Variants in SDK1 observed in about 807,000 individuals in gnomAD.
The protein encoded by SDK1 is sidekick cell adhesion molecule 1, also known as protein sidekick-1.
SDK1 carries 157 observed loss-of-function variants against 245.5 expected under a neutral mutation model. That is an observed-to-expected ratio of 0.64 (90% CI 0.56 to 0.73). SDK1 has a LOEUF of 0.73. SDK1 is among the 30% of genes least tolerant of loss of function. The pLI is 0.00. For missense variants in SDK1, 3,583 were observed against 3,002.3 expected (o/e 1.19, Z -4.52); for synonymous variants, 1,647 against 1,278.5 (o/e 1.29, Z -6.15).
At chr7:3,793,987 A>G (rs1467274684) in intron 4 of SDK1, among the ~76,000 whole-genome samples, 1 of 151,966 alleles carries the variant, frequency 6.6e-6, no homozygotes, top group Non-Finnish European at 1.5e-5. Flanking sequence ...GGCACCTCCA[A>G]CCCCCACATC....
intron 44 of SDK1, among the ~76,000 whole-genome samples, chr7:4,256,350 C>G (rs1787627313): frequency 6.6e-6 from 1 of 152,214 alleles, no homozygotes; most frequent in Non-Finnish European, 1.5e-5. Flanking sequence ...GCTAGTAACT[C>G]TGATATTCAG....
intron 4 of SDK1, among the ~76,000 whole-genome samples, chr7:3,802,126 A>T (rs2115036429): frequency 6.6e-6 from 1 of 152,330 alleles, no homozygotes. Flanking sequence ...TATATTTTAT[A>T]CCACTGTAGT....
At chr7:3,959,450 C>T (rs943582221) in intron 8 of SDK1, among the ~76,000 whole-genome samples, 5 of 152,136 alleles carry the variant, frequency 3.3e-5, no homozygotes, top group African/African-American at 7.2e-5. Flanking sequence ...GTAGTAGGTA[C>T]GTGAGGTACA....
rs574781339 is a variant in SDK1 at position 3,899,770 on chromosome 7, G to A, written c.848-51153G>A. On this transcript the variant is annotated intron_variant, in intron 5 of 44. Transcript: ENST00000404826. ...CCCCAGATGTCCTTGCCCACCCTCAGATATCTCCACGCATCCCTGAAGGCT... is the reference window on the plus strand; with the variant it reads ...CCCCAGATGTCCTTGCCCACCCTCAAATATCTCCACGCATCCCTGAAGGCT... Among the ~76,000 whole-genome samples the A allele has an allele frequency of 1.5e-3, 227 of 152,326 alleles. 1 individual carries two copies. Among genetic ancestry groups the A allele is most frequent in the South Asian group, 2.5e-3 (12 of 4,830 alleles).
At chr7:3,694,076 A>G (rs975994037) in intron 4 of SDK1, among the ~76,000 whole-genome samples, 1 of 152,182 alleles carries the variant, frequency 6.6e-6, no homozygotes, top group Non-Finnish European at 1.5e-5. Flanking sequence ...ATTTATGATT[A>G]TACCTGTCTT....
chr7:4,092,473 T>C (rs994342292), intron 22 of SDK1, among the ~76,000 whole-genome samples: 2 of 152,220 alleles, frequency 1.3e-5, no homozygotes, highest in African/African-American at 4.8e-5. Flanking sequence ...GTGACTAGTA[T>C]AGATGAGGCC....
Position 3,987,330 on chromosome 7 carries a change from G to A in SDK1, c.2131+8G>A, listed in dbSNP as rs749909010. On this transcript the variant is annotated splice_region_variant and intron_variant, in intron 14 of 44. Transcript: ENST00000404826. ...TGGAGCTCTCTGAAAACAGTAAGTA[G>A]CAAAATGAAACTGTCACCATGGACG... The A allele has an allele frequency of 6.2e-7, 1 of 1,613,258 alleles. No individual in the cohort carries two copies. Among genetic ancestry groups the A allele is most frequent in the South Asian group, 1.1e-5 (1 of 90,940 alleles).
chr7:3,404,460 T>A (rs1412238126), intron 1 of SDK1, among the ~76,000 whole-genome samples: 1 of 152,234 alleles, frequency 6.6e-6, no homozygotes, highest in Non-Finnish European at 1.5e-5. Flanking sequence ...GAACAGAGAA[T>A]CTGCAGTATT....
At chr7:3,940,716 G>T (rs1047212828) in intron 5 of SDK1, among the ~76,000 whole-genome samples, 1 of 152,120 alleles carries the variant, frequency 6.6e-6, no homozygotes, top group Non-Finnish European at 1.5e-5. Flanking sequence ...AGCTACTCCG[G>T]AGGCTGAGGC....
intron 1 of SDK1, among the ~76,000 whole-genome samples, chr7:3,550,375 C>G (rs978152666): frequency 6.6e-6 from 1 of 152,152 alleles, no homozygotes; most frequent in Non-Finnish European, 1.5e-5. Context: ...TACTCACAAT[C>G]AACATACTGT....
chr7:3,719,698 T>C (rs1405412017), intron 4 of SDK1, among the ~76,000 whole-genome samples: 1 of 151,434 alleles, frequency 6.6e-6, no homozygotes. Flanking sequence ...CTTTTAGGAG[T>C]CCGGGTGTGG....
chr7:3,500,609 A>T (rs10274012), intron 1 of SDK1, among the ~76,000 whole-genome samples: 2 of 151,966 alleles, frequency 1.3e-5, no homozygotes, highest in African/African-American at 4.8e-5. Context: ...AAATTTCACA[A>T]TGATACAGCT....
intron 5 of SDK1, among the ~76,000 whole-genome samples, chr7:3,926,652 T>C (rs534271136): frequency 4.1e-4 from 62 of 152,252 alleles, no homozygotes; most frequent in African/African-American, 1.4e-3. Flanking sequence ...GTGCTGGGAT[T>C]GCAGGTGTGA....
intron 4 of SDK1, among the ~76,000 whole-genome samples, chr7:3,656,415 A>G (rs1250085309): frequency 6.6e-6 from 1 of 152,184 alleles, no homozygotes; most frequent in East Asian, 1.9e-4. Flanking sequence ...TCCTCTGACA[A>G]ATACCTCCTT....
At chr7:3,793,521 G>T (rs555879992) in intron 4 of SDK1, among the ~76,000 whole-genome samples, 1 of 152,150 alleles carries the variant, frequency 6.6e-6, no homozygotes, top group East Asian at 1.9e-4. Context: ...TTCTTTCTTA[G>T]TGCAAACTTT....
At chr7:3,659,774 G>A (rs750749120) in intron 4 of SDK1, among the ~76,000 whole-genome samples, 1 of 152,214 alleles carries the variant, frequency 6.6e-6, no homozygotes, top group Non-Finnish European at 1.5e-5. Flanking sequence ...TTCTGCAAAT[G>A]CCCCGGCAAG....
At chr7:4,112,052 A>T (rs920564914) in intron 23 of SDK1, among the ~76,000 whole-genome samples, 1 of 152,212 alleles carries the variant, frequency 6.6e-6, no homozygotes, top group Non-Finnish European at 1.5e-5. Context: ...GCCAAGGTTG[A>T]GGATGCACCC....
At chr7:3,784,937 G>C (rs1369381076) in intron 4 of SDK1, among the ~76,000 whole-genome samples, 1 of 152,240 alleles carries the variant, frequency 6.6e-6, no homozygotes, top group African/African-American at 2.4e-5. Context: ...CAGTAGCTGA[G>C]CTGTGGAATC....
intron 1 of SDK1, among the ~76,000 whole-genome samples, chr7:3,394,854 T>A (rs1377483092): frequency 6.6e-6 from 1 of 152,124 alleles, no homozygotes; most frequent in Non-Finnish European, 1.5e-5. Flanking sequence ...TTGTATTATA[T>A]CCTGTGAACT....
Sources: allele counts gnomAD v4.1 joint callset (sites outside exome capture counted in the v4.1 genomes callset), GRCh38; gene constraint gnomAD v4.1.1; transcripts MANE v1.5; gene names NCBI Gene and HGNC (gene_info 2026-07-23, HGNC 2026-07-21).